Variants in RBM19 observed in about 807,000 individuals in gnomAD.
RBM19 encodes probable RNA-binding protein 19.
Under a neutral mutation model 116.8 loss-of-function variants are expected in RBM19, and 94 were observed. That is an observed-to-expected ratio of 0.80 (90% confidence interval 0.68 to 0.95). The LOEUF is 0.95. Ranked by LOEUF, RBM19 falls within the 40% of genes least tolerant of loss-of-function variation. The pLI, the probability that RBM19 is intolerant of heterozygous loss-of-function variation, is 0.00. For synonymous variants in RBM19, 475 were observed against 494.1 expected (o/e 0.96, Z 0.51); for missense variants, 1,161 against 1,220.7 (o/e 0.95, Z 0.73).
intron 16 of RBM19, among the ~76,000 whole-genome samples, chr12:113,927,607 A>AAC (rs1555242327): frequency 3.9e-5 from 4 of 103,150 alleles, no homozygotes; most frequent in African/African-American, 1.2e-4. Flanking sequence ...AAAAAAAACA[A>AAC]AAAAAAAAAA....
intron 23 of RBM19, among the ~76,000 whole-genome samples, chr12:113,832,899 C>CG (rs1260431305): frequency 6.6e-6 from 1 of 152,156 alleles, no homozygotes; most frequent in Admixed American, 6.5e-5. Context: ...GTGGGGATAA[C>CG]GGGCTCTCTT....
At chr12:113,910,727 C>T (rs910590878) in intron 21 of RBM19, among the ~76,000 whole-genome samples, 2 of 152,330 alleles carry the variant, frequency 1.3e-5, no homozygotes, top group Non-Finnish European at 2.9e-5. Context: ...CTGCGTGGCA[C>T]GTGGTTCACC....
In RBM19 at chr12:113,959,921, A is replaced by G; in HGVS notation, c.340-18T>C. On this transcript the variant is annotated intron_variant, in intron 3 of 23. Transcript: ENST00000261741. Reference sequence around the variant, plus strand: ...TTCTCATCCTGAAAACAGAAGGCACAGAGAGTGAGGGTCACACAGATGAAG... The same window carrying G: ...TTCTCATCCTGAAAACAGAAGGCACGGAGAGTGAGGGTCACACAGATGAAG... 2 of 1,614,202 alleles carry G rather than the reference A, an allele frequency of 1.2e-6. No homozygotes were observed. The highest frequency in any genetic ancestry group is 1.7e-6 in the Non-Finnish European group (2 of 1,180,018).
At chr12:113,944,910 C>T (rs56698726) in intron 13 of RBM19, among the ~76,000 whole-genome samples, 24,854 of 151,670 alleles carry the variant, frequency 0.16, 2,764 homozygotes, top group African/African-American at 0.32. Flanking sequence ...CACACACACA[C>T]CCCTACTTGA....
At chr12:113,920,224 T>G (rs1349625362) in intron 19 of RBM19, among the ~76,000 whole-genome samples, 1 of 152,092 alleles carries the variant, frequency 6.6e-6, no homozygotes, top group Non-Finnish European at 1.5e-5. Flanking sequence ...CCACACAGCC[T>G]AAGTGCCCCA....
At chr12:113,893,026 A>AT (rs35688045) in intron 21 of RBM19, among the ~76,000 whole-genome samples, 57,872 of 141,114 alleles carry the variant, frequency 0.41, 12,651 homozygotes, top group East Asian at 0.62. Context: ...GTAACTATTG[A>AT]TTTTTTTTTT....
chr12:113,957,839 T>C lies in RBM19; in HGVS notation c.783A>G (p.Ala261=). Residue 261 remains alanine, a synonymous_variant, in exon 6 of 24, where the codon GCA becomes GCG. Coordinates refer to ENST00000261741, the MANE Select transcript of RBM19 (RefSeq NM_016196.4). ...CAGCTGGCATCCCTTGCTCTTGGCC[T>C]GCACCCTTGCTGTCTCTTTCCTGCA... ...PVLQERDSKG[A]GQEQGMPAGK... is the part of the protein sequence containing the mutation. The C allele has an allele frequency of 1.2e-6, 2 of 1,613,740 alleles. No homozygotes were observed. The highest frequency in any genetic ancestry group is 1.1e-5 in the South Asian group (1 of 91,012).
intron 21 of RBM19, among the ~76,000 whole-genome samples, chr12:113,892,824 A>G (rs1180205034): frequency 2.6e-5 from 4 of 152,138 alleles, no homozygotes; most frequent in Admixed American, 2.6e-4. Flanking sequence ...TTTTGAAGAA[A>G]TATTTTTTCT....
At position 113,835,092 on chromosome 12, in the gene RBM19, C is replaced by T. The variant is rs188704447; in HGVS notation, c.2785+9576G>A. Among the ~76,000 whole-genome samples the T allele has an allele frequency of 1.1e-4, 17 of 152,248 alleles. No homozygotes were observed. The East Asian group carries it at 1.9e-3, about 17-fold the overall frequency. On this transcript the variant is annotated intron_variant, in intron 23 of 23. Coordinates refer to ENST00000261741, the MANE Select transcript of RBM19 (RefSeq NM_016196.4). The stretch of plus-strand genomic sequence containing the variant: ...CTTCGACCACACAGGGCTCCAGTGC[C>T]GACCGCACACCTGGCTAAGTGTGGG...
intron 18 of RBM19, among the ~76,000 whole-genome samples, chr12:113,922,842 T>C (rs1373561431): frequency 6.6e-6 from 1 of 152,118 alleles, no homozygotes; most frequent in Non-Finnish European, 1.5e-5. Context: ...CAAGTTAAAA[T>C]GAGGTCACAG....
chr12:113,819,403 T>G (rs7309593), downstream of RBM19, among the ~76,000 whole-genome samples: 12,249 of 152,150 alleles, frequency 0.081, 864 homozygotes, highest in African/African-American at 0.16. Context: ...CTTTCCCGGC[T>G]CTCTGGTGAC....
intron 19 of RBM19, 75 bp from the exon 20 acceptor site, chr12:113,918,522 CAG>C: frequency 4.0e-6 from 6 of 1,517,476 alleles, no homozygotes; most frequent in Non-Finnish European, 5.5e-6. Flanking sequence ...TTCACCAGAG[CAG>C]AGCCCTGGCT....
chr12:113,945,999 G>GT lies in RBM19; in HGVS notation c.1530-76dup, dbSNP rs1870987566. The GT allele has an allele frequency of 3.3e-5, 44 of 1,340,406 alleles. No homozygotes were observed. The South Asian group carries it at 5.2e-4, about 16-fold the overall frequency. The allele number at this position is 1,340,406 out of a possible 1,614,324, so 83.0% of individuals were successfully genotyped here. On this transcript the variant is annotated intron_variant, in intron 12 of 23. Coordinates refer to ENST00000261741, the MANE Select transcript of RBM19 (RefSeq NM_016196.4). ...GAACTCGTTCTCAGACACGAATCCT[G>GT]TAAGAAATGGGCTCCTAGGCCTGCC...
chr12:113,896,936 G>A (rs891525289), intron 21 of RBM19, among the ~76,000 whole-genome samples: 1 of 152,216 alleles, frequency 6.6e-6, no homozygotes, highest in African/African-American at 2.4e-5. Context: ...CAACTTGACA[G>A]TAGCAGTTTA....
intron 23 of RBM19, among the ~76,000 whole-genome samples, chr12:113,840,217 A>C (rs1876342668): frequency 6.6e-6 from 1 of 152,242 alleles, no homozygotes; most frequent in Admixed American, 6.5e-5. Context: ...TCTTTGGAAA[A>C]GAGTGCTGAA....
intron 22 of RBM19, among the ~76,000 whole-genome samples, chr12:113,855,963 A>G (rs1446730528): frequency 6.6e-6 from 1 of 152,232 alleles, no homozygotes; most frequent in African/African-American, 2.4e-5. Flanking sequence ...TCCCTAGGAA[A>G]CAAAAAGAGC....
chr12:113,837,572 C>T (rs1309599521), intron 23 of RBM19, among the ~76,000 whole-genome samples: 1 of 152,230 alleles, frequency 6.6e-6, no homozygotes. Context: ...CCCCATCGTA[C>T]CAATGACGGA....
intron 21 of RBM19, among the ~76,000 whole-genome samples, chr12:113,870,776 T>C (rs929081791): frequency 6.6e-6 from 1 of 152,106 alleles, no homozygotes; most frequent in Non-Finnish European, 1.5e-5. Context: ...CAGCAGCCCA[T>C]AGCCACCAAC....
chr12:113,824,103 G>C (rs899517921), intron 23 of RBM19, among the ~76,000 whole-genome samples: 1 of 152,162 alleles, frequency 6.6e-6, no homozygotes, highest in Admixed American at 6.5e-5. Context: ...GGCATGGTGG[G>C]CTTAGCCCCA....
Sources: allele counts gnomAD v4.1 joint callset (sites outside exome capture counted in the v4.1 genomes callset), GRCh38; gene constraint gnomAD v4.1.1; transcripts MANE v1.5; gene names NCBI Gene and HGNC (gene_info 2026-07-23, HGNC 2026-07-21).